TMEM132C: variants seen among roughly 807,000 people sequenced by gnomAD.
TMEM132C encodes the protein protein phosphatase 1, regulatory subunit 152.
A neutral mutation model predicts 61.4 loss-of-function variants in TMEM132C; 29 were observed. The observed-to-expected ratio is 0.47, with a 90% CI of 0.35 to 0.64. TMEM132C has a LOEUF of 0.64. Among genes scored for constraint, TMEM132C ranks in the 30% least tolerant of loss-of-function variants. TMEM132C has a pLI of 0.00. For missense variants in TMEM132C, 1,408 were observed against 1,476.9 expected, an observed-to-expected ratio of 0.95 and a Z score of 0.76; for synonymous variants, 656 against 633.1, an observed-to-expected ratio of 1.04 and a Z score of -0.54.
At chr12:128,373,046 A>G (rs1768391456) in intron 1 of TMEM132C, among the ~76,000 whole-genome samples, 1 of 152,186 alleles carries the variant, frequency 6.6e-6, no homozygotes, top group Non-Finnish European at 1.5e-5. Flanking sequence ...GCTTTTGGAG[A>G]CAAGTAATGG....
At chr12:128,421,349 T>A (rs75303638) in intron 2 of TMEM132C, among the ~76,000 whole-genome samples, 2,983 of 152,284 alleles carry the variant, frequency 0.02, 107 homozygotes, top group African/African-American at 0.069. Context: ...ACAGGAGAAA[T>A]CCACCCAGGT....
At chr12:128,322,350 C>T (rs573113143) in intron 1 of TMEM132C, among the ~76,000 whole-genome samples, 1 of 152,338 alleles carries the variant, frequency 6.6e-6, no homozygotes, top group Non-Finnish European at 1.5e-5. Context: ...TTGAGTAATA[C>T]CATGTGGAGC....
At chr12:128,338,468 T>TATTGAGTA (rs1486273255) in intron 1 of TMEM132C, among the ~76,000 whole-genome samples, 3 of 152,108 alleles carry the variant, frequency 2.0e-5, no homozygotes, top group Non-Finnish European at 4.4e-5. Context: ...AAAATGCCCT[T>TATTGAGTA]ATTGAGTATG....
intron 2 of TMEM132C, among the ~76,000 whole-genome samples, chr12:128,441,744 A>G (rs1869793965): frequency 6.6e-6 from 1 of 152,190 alleles, no homozygotes; most frequent in South Asian, 2.1e-4. Flanking sequence ...AAATGGCATT[A>G]GCCATTTTGG....
intron 1 of TMEM132C, among the ~76,000 whole-genome samples, chr12:128,281,511 T>C (rs2135899519): frequency 6.6e-6 from 1 of 152,344 alleles, no homozygotes; most frequent in East Asian, 1.9e-4. Context: ...TTTAAAAGGA[T>C]CAAATGACCT....
chr12:128,547,601 G>T (rs1046929469), intron 3 of TMEM132C, among the ~76,000 whole-genome samples: 2 of 151,638 alleles, frequency 1.3e-5, no homozygotes, highest in Admixed American at 1.3e-4. Flanking sequence ...CTCATTGTGA[G>T]CTTTTGCATT....
chr12:128,611,453 C>T (rs905200151), intron 3 of TMEM132C, among the ~76,000 whole-genome samples: 17 of 152,138 alleles, frequency 1.1e-4, no homozygotes, highest in African/African-American at 4.1e-4. Context: ...GCTCTCATTG[C>T]AACAGGAATA....
chr12:128,391,184 C>T (rs1257881587), intron 1 of TMEM132C, among the ~76,000 whole-genome samples: 2 of 152,212 alleles, frequency 1.3e-5, no homozygotes, highest in Admixed American at 6.5e-5. Flanking sequence ...GTTTGAGAAC[C>T]ACTACGGTAG....
intron 5 of TMEM132C, among the ~76,000 whole-genome samples, chr12:128,671,288 C>T (rs1475736483): frequency 6.6e-6 from 1 of 152,102 alleles, no homozygotes; most frequent in East Asian, 1.9e-4. Context: ...GCTCTAGAGT[C>T]TTAAGTTTTT....
chr12:128,312,020 G>A (rs1246904955), intron 1 of TMEM132C, among the ~76,000 whole-genome samples: 1 of 152,208 alleles, frequency 6.6e-6, no homozygotes, highest in Non-Finnish European at 1.5e-5. Flanking sequence ...CCCGGAGCGG[G>A]GCTGACTCGG....
chr12:128,580,213 G>A (rs947025706), intron 3 of TMEM132C, among the ~76,000 whole-genome samples: 1 of 151,690 alleles, frequency 6.6e-6, no homozygotes, highest in Non-Finnish European at 1.5e-5. Flanking sequence ...CAGATAGATC[G>A]AGACCATCCT....
intron 2 of TMEM132C, among the ~76,000 whole-genome samples, chr12:128,472,824 T>C (rs1251080981): frequency 3.3e-5 from 5 of 152,150 alleles, no homozygotes; most frequent in Non-Finnish European, 7.3e-5. Context: ...TATAAAATGG[T>C]CCCTGATGAT....
chr12:128,542,994 G>A (rs11609881), intron 2 of TMEM132C, among the ~76,000 whole-genome samples: 74,996 of 151,756 alleles, frequency 0.49, 18,989 homozygotes, highest in Non-Finnish European at 0.54. Context: ...AAGGAAAACG[G>A]TATGAGTAGA....
At position 128,415,440 on chromosome 12, in the gene TMEM132C, A is replaced by T. The variant is rs764381800; in HGVS notation, c.794A>T (p.His265Leu). 1 of 1,551,664 alleles carries T rather than the reference A, an allele frequency of 6.4e-7. No individual in the cohort carries two copies. Among genetic ancestry groups the T allele is most frequent in the African/African-American group, 1.4e-5 (1 of 73,168 alleles). ...GATGGGCTGGAGGAAACCACGTCCCACCTGCAGAGGATCGGCACCGTCGGC... is the reference window on the plus strand; with the variant it reads ...GATGGGCTGGAGGAAACCACGTCCCTCCTGCAGAGGATCGGCACCGTCGGC... ...GKDGLEETTS[H>L]LQRIGTVGLY... The change falls in exon 2 of 9, where the codon CAC becomes CTC. Residue 265 changes from histidine (H) to leucine (L), a missense_variant. Coordinates refer to ENST00000435159, the MANE Select transcript of TMEM132C (RefSeq NM_001136103.3). The surrounding 1 kb of genome is among the most constrained non-coding windows in gnomAD (Gnocchi z 5.8).
chr12:128,318,955 C>A (rs970448222), intron 1 of TMEM132C, among the ~76,000 whole-genome samples: 3 of 152,194 alleles, frequency 2.0e-5, no homozygotes, highest in East Asian at 3.9e-4. Context: ...CACTTCCCCC[C>A]AGACCTTACT....
chr12:128,628,010 C>T (rs1213253333), intron 4 of TMEM132C, among the ~76,000 whole-genome samples: 2 of 152,292 alleles, frequency 1.3e-5, no homozygotes, highest in South Asian at 2.1e-4. Context: ...TGGCATCAGC[C>T]AGGTCTCCCC....
intron 1 of TMEM132C, among the ~76,000 whole-genome samples, chr12:128,396,967 T>C (rs1349917481): frequency 2.0e-5 from 3 of 152,224 alleles, no homozygotes; most frequent in African/African-American, 7.2e-5. Flanking sequence ...TGTCTGCCTG[T>C]GCCCAGGAGT....
intron 1 of TMEM132C, among the ~76,000 whole-genome samples, chr12:128,295,936 T>A (rs1871400717): frequency 6.6e-6 from 1 of 152,212 alleles, no homozygotes; most frequent in Non-Finnish European, 1.5e-5. Context: ...ATCTTCAGGT[T>A]GTAATGGGAT....
intron 1 of TMEM132C, among the ~76,000 whole-genome samples, chr12:128,371,044 C>T (rs1225682414): frequency 6.6e-6 from 1 of 152,038 alleles, no homozygotes; most frequent in Non-Finnish European, 1.5e-5. Flanking sequence ...AGAATCATCG[C>T]AGGTCTAACC....
Sources: gnomAD v4.1 joint callset for allele counts (sites outside exome capture counted in the v4.1 genomes callset) on GRCh38, gnomAD v4.1.1 for gene constraint, Gnocchi (gnomAD v3.1) non-coding constraint, MANE v1.5 for transcripts, NCBI Gene and HGNC (gene_info 2026-07-23, HGNC 2026-07-21) for gene names.